The following AGXT2 variants were observed in gnomAD, a reference collection of about 807,000 sequenced individuals.
The protein encoded by AGXT2 is alanine--glyoxylate aminotransferase 2, mitochondrial.
In AGXT2, 61 loss-of-function variants were observed where a neutral mutation model predicts 62.5. That is an observed-to-expected ratio of 0.98 (90% CI 0.79 to 1.21). The LOEUF is 1.21. Ranked by LOEUF, AGXT2 falls within the 50% of genes most tolerant of loss-of-function variation. The pLI, the probability that AGXT2 is intolerant of heterozygous loss-of-function variation, is 0.00. For missense variants in AGXT2, 666 were observed against 641.5 expected, an observed-to-expected ratio of 1.04 and a Z score of -0.41; for synonymous variants, 243 against 218.7, an observed-to-expected ratio of 1.11 and a Z score of -0.98.
At chr5:35,047,366 C>A (rs1293188387) in intron 1 of AGXT2, among the ~76,000 whole-genome samples, 7 of 152,104 alleles carry the variant, frequency 4.6e-5, no homozygotes, top group Admixed American at 2.0e-4. Flanking sequence ...TTATTTGAGC[C>A]TTGGAGGTCA....
intron 13 of AGXT2, among the ~76,000 whole-genome samples, chr5:34,999,687 C>T (rs1448857122): frequency 6.6e-6 from 1 of 152,198 alleles, no homozygotes; most frequent in East Asian, 1.9e-4. Flanking sequence ...TTTCCTTACT[C>T]AACTCCTGCG....
chr5:35,013,070 G>T (rs751631360), intron 10 of AGXT2, 25 bp from the exon 11 acceptor site: 2 of 1,541,608 alleles, frequency 1.3e-6, no homozygotes, highest in Admixed American at 2.0e-5. Flanking sequence ...TAGAAGGTGT[G>T]GAAAGAGGGA....
Position 35,033,526 on chromosome 5 carries a change from G to A in AGXT2, c.609C>T (p.Tyr203=), listed in dbSNP as rs144816749. ...FRGAYHGCSP[Y]TLGLTNVGTY... ...TCCCTACGTTTGTCAAGCCAAGTGTGTAAGGACTGCATCCATGGTAGGCTC... is the reference window on the plus strand; with the variant it reads ...TCCCTACGTTTGTCAAGCCAAGTGTATAAGGACTGCATCCATGGTAGGCTC... The change falls in exon 6 of 14, where the codon TAC becomes TAT. Residue 203 remains tyrosine, a synonymous_variant. Transcript: ENST00000231420. The A allele has an allele frequency of 2.6e-3, 4,185 of 1,613,826 alleles. 129 individuals carry two copies. In the Admixed American group the frequency reaches 0.06, roughly 23 times the overall value.
At chr5:35,041,882 C>T (rs1309415005) in intron 1 of AGXT2, among the ~76,000 whole-genome samples, 1 of 152,104 alleles carries the variant, frequency 6.6e-6, no homozygotes, top group Non-Finnish European at 1.5e-5. Flanking sequence ...TCACTAATGT[C>T]ATTAATTTGC....
intron 2 of AGXT2, among the ~76,000 whole-genome samples, chr5:35,040,078 A>G (rs1450945124): frequency 6.6e-6 from 1 of 152,008 alleles, no homozygotes; most frequent in Non-Finnish European, 1.5e-5. Flanking sequence ...AGAGAGAGAG[A>G]GAGAGGGAGA....
rs1767720677 is a variant in AGXT2 at position 35,035,298 on chromosome 5, T to TG, written c.504dup (p.Ser169GlnfsTer7). The stretch of plus-strand genomic sequence containing the variant: ...GCCAGCTCATTGGCTTCTGAGCCAC[T>TG]GTTCACCAAGAAAATGACCTGGAGA... On this transcript the variant is annotated frameshift_variant, in exon 5 of 14. Coordinates refer to ENST00000231420, the MANE Select transcript of AGXT2 (RefSeq NM_031900.4). LOFTEE classifies it high-confidence loss of function. 6.2e-6 allele frequency: 10 copies of TG among 1,613,982 alleles called. No homozygotes were observed. In the South Asian group the frequency reaches 1.1e-4, roughly 18 times the overall value.
intron 6 of AGXT2, chr5:35,033,163 T>A (rs534908976): frequency 1.6e-4 from 79 of 487,216 alleles, no homozygotes; most frequent in Middle Eastern, 1.2e-3. Context: ...AGAAGGTGAG[T>A]ACAGTGATGA....
chr5:35,018,351 C>T (rs940055358), intron 9 of AGXT2, among the ~76,000 whole-genome samples: 1 of 152,128 alleles, frequency 6.6e-6, no homozygotes, highest in Admixed American at 6.6e-5. Context: ...CAAAGGGAAG[C>T]CCATCAGACT....
At chr5:35,031,577 G>A (rs1009454115) in intron 7 of AGXT2, among the ~76,000 whole-genome samples, 2 of 152,188 alleles carry the variant, frequency 1.3e-5, no homozygotes, top group Non-Finnish European at 2.9e-5. Flanking sequence ...TCAGAGGCAG[G>A]GCTTGTTGAT....
chr5:35,042,521 A>T (rs1768023365), intron 1 of AGXT2, among the ~76,000 whole-genome samples: 1 of 152,188 alleles, frequency 6.6e-6, no homozygotes, highest in South Asian at 2.1e-4. Flanking sequence ...CTCAAAAATA[A>T]TAGTAATAAT....
intron 1 of AGXT2, among the ~76,000 whole-genome samples, chr5:35,042,152 G>T (rs1034179763): frequency 6.6e-6 from 1 of 152,150 alleles, no homozygotes; most frequent in African/African-American, 2.4e-5. Flanking sequence ...TTGACTCCAA[G>T]GTTATAGGAT....
At chr5:35,041,663 G>A (rs1461750203) in intron 1 of AGXT2, among the ~76,000 whole-genome samples, 2 of 152,194 alleles carry the variant, frequency 1.3e-5, no homozygotes, top group Admixed American at 6.5e-5. Context: ...TATAGGTGGA[G>A]AGAGCTAAGG....
chr5:35,021,238 G>A (rs1286428714), intron 9 of AGXT2, among the ~76,000 whole-genome samples: 2 of 152,102 alleles, frequency 1.3e-5, no homozygotes, highest in African/African-American at 2.4e-5. Flanking sequence ...AGTTCATATG[G>A]AACCAAAGAA....
At chr5:35,034,402 A>G (rs1185483908) in intron 5 of AGXT2, among the ~76,000 whole-genome samples, 1 of 152,172 alleles carries the variant, frequency 6.6e-6, no homozygotes, top group Admixed American at 6.5e-5. Flanking sequence ...CAGCATGCTC[A>G]TTTGATATGG....
intron 9 of AGXT2, among the ~76,000 whole-genome samples, chr5:35,015,775 G>T (rs1367920624): frequency 1.3e-5 from 2 of 149,576 alleles, no homozygotes; most frequent in East Asian, 3.9e-4. Context: ...GCTTGAACCT[G>T]GGAGGCAGAG....
chr5:35,010,165 C>G lies in AGXT2; in HGVS notation c.1189-16G>C. 6.2e-7 allele frequency: 1 copy of G among 1,614,042 alleles called. No homozygotes were observed. The highest frequency in any genetic ancestry group is 1.1e-5 in the South Asian group (1 of 91,078). On this transcript the variant is annotated splice_polypyrimidine_tract_variant and intron_variant, in intron 11 of 13. Coordinates refer to ENST00000231420, the MANE Select transcript of AGXT2 (RefSeq NM_031900.4). ...CTTTAATCACCTGTTAAGAGAAAGCCCCAAATGATCTTACATGGCAGAAGT... is the reference window on the plus strand; with the variant it reads ...CTTTAATCACCTGTTAAGAGAAAGCGCCAAATGATCTTACATGGCAGAAGT...
At chr5:35,012,681 A>T in intron 11 of AGXT2, 1 of 446,744 alleles carries the variant, frequency 2.2e-6, no homozygotes, top group Non-Finnish European at 4.1e-6. Flanking sequence ...CCAAGATAAC[A>T]AAGAAATTTC....
intron 7 of AGXT2, among the ~76,000 whole-genome samples, chr5:35,028,107 A>G (rs934890064): frequency 6.6e-6 from 1 of 152,172 alleles, no homozygotes. Flanking sequence ...AGCCATCAAC[A>G]TGGAAGCTCA....
intron 11 of AGXT2, among the ~76,000 whole-genome samples, chr5:35,011,913 TATAC>T (rs1766655643): frequency 2.6e-5 from 3 of 116,894 alleles, no homozygotes; most frequent in Admixed American, 1.9e-4. Context: ...AAATGTGGTG[TATAC>T]ACACACACAC....
Sources: gnomAD v4.1 joint callset for allele counts (sites outside exome capture counted in the v4.1 genomes callset) on GRCh38, gnomAD v4.1.1 for gene constraint, MANE v1.5 for transcripts, NCBI Gene and HGNC (gene_info 2026-07-23, HGNC 2026-07-21) for gene names.